Variants in PTPA observed in about 807,000 individuals in gnomAD.
PTPA encodes serine/threonine-protein phosphatase 2A activator.
Under a neutral mutation model 43.6 loss-of-function variants are expected in PTPA, and 13 were observed. That is an observed-to-expected ratio of 0.30 (90% CI 0.19 to 0.47). The LOEUF (loss-of-function observed/expected upper bound fraction) is 0.47. PTPA is among the 20% of genes least tolerant of loss of function. The pLI, the probability that PTPA is intolerant of heterozygous loss-of-function variation, is 0.99. For synonymous variants in PTPA, 172 were observed against 158.2 expected, an observed-to-expected ratio of 1.09 and a Z score of -0.66; for missense variants, 329 against 411.9, an observed-to-expected ratio of 0.80 and a Z score of 1.74.
At chr9:129,115,266 C>G (rs1242252555) in intron 1 of PTPA, among the ~76,000 whole-genome samples, 2 of 152,128 alleles carry the variant, frequency 1.3e-5, no homozygotes, top group Non-Finnish European at 2.9e-5. Flanking sequence ...AGTTGAAGTG[C>G]CAATTTACTA....
chr9:129,115,430 C>G (rs907772417), intron 1 of PTPA, among the ~76,000 whole-genome samples: 1 of 152,132 alleles, frequency 6.6e-6, no homozygotes, highest in Non-Finnish European at 1.5e-5. Flanking sequence ...GTCTCCAAGT[C>G]CCCTGGCACT....
At chr9:129,137,980 A>T in intron 8 of PTPA, 2 of 408,436 alleles carry the variant, frequency 4.9e-6, no homozygotes, top group Non-Finnish European at 9.4e-6. Context: ...CTGCTGCAGC[A>T]GGTCTGAAAG....
chr9:129,126,822 C>G (rs545251153), intron 3 of PTPA, among the ~76,000 whole-genome samples: 3 of 152,268 alleles, frequency 2.0e-5, no homozygotes, highest in East Asian at 1.9e-4. Flanking sequence ...TCAAAAAGCC[C>G]TCTCCTGAAG....
At chr9:129,118,854 C>G (rs1849066372) in intron 1 of PTPA, among the ~76,000 whole-genome samples, 1 of 148,046 alleles carries the variant, frequency 6.8e-6, no homozygotes, top group African/African-American at 2.5e-5. Flanking sequence ...CTTTGTGTTT[C>G]CGTGAGCACA....
chr9:129,137,514 G>A (rs951140391), intron 7 of PTPA, 78 bp from the exon 8 acceptor site: 8 of 1,157,114 alleles, frequency 6.9e-6, no homozygotes, highest in Non-Finnish European at 1.0e-5. Flanking sequence ...GCCCCTGGGG[G>A]GGTGTGACTG....
At chr9:129,114,651 A>C (rs1477666903) in intron 1 of PTPA, among the ~76,000 whole-genome samples, 2 of 152,206 alleles carry the variant, frequency 1.3e-5, no homozygotes, top group African/African-American at 4.8e-5. Flanking sequence ...GCCAATGATA[A>C]TGCTATATAT....
chr9:129,143,814 C>A (rs548334940), intron 9 of PTPA, among the ~76,000 whole-genome samples: 1 of 152,086 alleles, frequency 6.6e-6, no homozygotes. Flanking sequence ...CACTCCGACT[C>A]TGCCCTGGGT....
chr9:129,111,556 G>A lies in PTPA; in HGVS notation c.-45G>A. 1.5e-6 allele frequency: 2 copies of A among 1,291,616 alleles called. No individual in the cohort carries two copies. The highest frequency in any genetic ancestry group is 3.1e-5 in the African/African-American group (2 of 64,900). The allele number at this position is 1,291,616 out of a possible 1,614,324, so 80.0% of individuals were successfully genotyped here. Reference sequence around the variant, plus strand: ...AAGGGTGGGTGCAAGAGTGAAAGGCGAGAGGGGACTGCAAGCATCCGGGTC... The same window carrying A: ...AAGGGTGGGTGCAAGAGTGAAAGGCAAGAGGGGACTGCAAGCATCCGGGTC... On this transcript the variant is annotated 5_prime_UTR_variant, in exon 1 of 10. Coordinates refer to ENST00000393370, the MANE Select transcript of PTPA (RefSeq NM_178000.3).
Position 129,136,469 on chromosome 9 carries a change from A to G in PTPA, c.561-2A>G, listed in dbSNP as rs1850377209. 1.2e-6 allele frequency: 2 copies of G among 1,612,048 alleles called. No homozygotes were observed. The highest frequency in any genetic ancestry group is 1.1e-5 in the South Asian group (1 of 90,840). ...CTTCCCTTTCCCTGTCCTCCTGTGC[A>G]GGTACCTTGAGGTTATGCGGAAACT... On this transcript the variant is annotated splice_acceptor_variant, in intron 6 of 9. Coordinates refer to ENST00000393370, the MANE Select transcript of PTPA (RefSeq NM_178000.3). LOFTEE classifies it high-confidence loss of function.
In PTPA at chr9:129,137,771, T is replaced by A. The variant is rs761977840; in HGVS notation, c.786+79T>A. The A allele has an allele frequency of 2.3e-5, 31 of 1,325,232 alleles. No homozygotes were observed. In the South Asian group the frequency reaches 3.5e-4, roughly 15 times the overall value. 82.1% of individuals were successfully genotyped at this position (1,325,232 alleles called of 1,614,324 possible). A position where few individuals can be genotyped will look rare whatever the true frequency, so the allele number is the denominator to read the frequency against. ...CCAAGGCTGGTGGCCTTACAGTGGA[T>A]CAGAAGAGCCAGAGCTGCTGCCCAA... On this transcript the variant is annotated intron_variant, in intron 8 of 9. Coordinates refer to ENST00000393370, the MANE Select transcript of PTPA (RefSeq NM_178000.3).
At chr9:129,143,272 A>G in intron 9 of PTPA, 1 of 701,024 alleles carries the variant, frequency 1.4e-6, no homozygotes, top group Non-Finnish European at 2.6e-6. Context: ...ACTTCCTGGG[A>G]AGACTAATTC....
At chr9:129,138,799 G>A (rs1030535270) in intron 8 of PTPA, among the ~76,000 whole-genome samples, 1 of 152,210 alleles carries the variant, frequency 6.6e-6, no homozygotes, top group Non-Finnish European at 1.5e-5. Flanking sequence ...CCAAACTCCA[G>A]AGGCCAGAGG....
chr9:129,147,598 G>T lies in PTPA; in HGVS notation c.*134G>T. 1 of 986,192 alleles carries T rather than the reference G, an allele frequency of 1.0e-6. No homozygotes were observed. Among genetic ancestry groups the T allele is most frequent in the Middle Eastern group, 3.2e-4 (1 of 3,118 alleles). The allele number at this position is 986,192 out of a possible 1,614,324, so 61.1% of individuals were successfully genotyped here. On this transcript the variant is annotated 3_prime_UTR_variant, in exon 10 of 10. Coordinates refer to ENST00000393370, the MANE Select transcript of PTPA (RefSeq NM_178000.3). ...AGGCTGTTTACTGGGGTGGGGTGGCGAGATGGGCTTGAGGGGGCTCAGAGC... is the reference window on the plus strand; with the variant it reads ...AGGCTGTTTACTGGGGTGGGGTGGCTAGATGGGCTTGAGGGGGCTCAGAGC...
At position 129,111,484 on chromosome 9, in the gene PTPA, C is replaced by T. The variant is rs1848478282; in HGVS notation, c.-117C>T. ...TTTTCGGTTATAGCCGGCCGGCGCT[C>T]ACTTGTCTTCAGGAAGCTCGGAGCC... is the stretch of plus-strand genomic sequence containing the variant. On this transcript the variant is annotated 5_prime_UTR_variant, in exon 1 of 10. Coordinates refer to ENST00000393370, the MANE Select transcript of PTPA (RefSeq NM_178000.3). 7.9e-7 allele frequency: 1 copy of T among 1,263,542 alleles called. No homozygotes were observed. Among genetic ancestry groups the T allele is most frequent in the Admixed American group, 4.2e-5 (1 of 23,730 alleles). 78.3% of individuals were successfully genotyped at this position (1,263,542 alleles called of 1,614,324 possible). A position where few individuals can be genotyped will look rare whatever the true frequency, so the allele number is the denominator to read the frequency against.
At chr9:129,119,738 T>TATA (rs1849127393) in intron 1 of PTPA, 1 of 152,212 alleles carries the variant, frequency 6.6e-6, no homozygotes, top group Non-Finnish European at 1.5e-5. Flanking sequence ...ATTGCCTGTG[T>TATA]ATGTCTGAAA....
intron 5 of PTPA, among the ~76,000 whole-genome samples, chr9:129,131,880 A>G (rs562191680): frequency 6.6e-6 from 1 of 152,294 alleles, no homozygotes; most frequent in Admixed American, 6.5e-5. Context: ...TGCCCCGTGC[A>G]TGGTGCTTGC....
At chr9:129,120,477 A>G (rs1446203523) in intron 1 of PTPA, 36 bp from the exon 2 acceptor site, 4 of 1,469,938 alleles carry the variant, frequency 2.7e-6, no homozygotes. Flanking sequence ...GGAGGATTCT[A>G]TTTATCTGTT....
In PTPA at chr9:129,136,671, C is replaced by CG. The variant is rs1564196930; in HGVS notation, c.685+77dup. ...CTGTGGCCCTCCCCTGCCCCTCCTG[C>CG]GCTCCCTCCTTCCCTTCTTCCTGCC... On this transcript the variant is annotated intron_variant, in intron 7 of 9. Coordinates refer to ENST00000393370, the MANE Select transcript of PTPA (RefSeq NM_178000.3). 3.4e-6 allele frequency: 5 copies of CG among 1,459,316 alleles called. No individual in the cohort carries two copies. In the East Asian group the frequency reaches 1.2e-4, roughly 36 times the overall value. 90.4% of individuals were successfully genotyped at this position (1,459,316 alleles called of 1,614,324 possible).
chr9:129,142,227 A>C, intron 8 of PTPA: 1 of 452,242 alleles, frequency 2.2e-6, no homozygotes, highest in Non-Finnish European at 3.9e-6. Context: ...TGAGGGCCAA[A>C]GGGGAACCTT....
Sources: allele counts gnomAD v4.1 joint callset (sites outside exome capture counted in the v4.1 genomes callset), GRCh38; gene constraint gnomAD v4.1.1; transcripts MANE v1.5; gene names NCBI Gene and HGNC (gene_info 2026-07-23, HGNC 2026-07-21).